Variants in CTNNBL1 observed in about 807,000 individuals in gnomAD.
CTNNBL1 encodes beta-catenin-like protein 1.
In CTNNBL1, 31 loss-of-function variants were observed where a neutral mutation model predicts 72.7. The ratio of observed to expected loss-of-function variants is 0.43; its 90% confidence interval spans 0.32 to 0.58. CTNNBL1 has a LOEUF of 0.58. CTNNBL1 is among the 20% of genes least tolerant of loss of function. The probability of loss-of-function intolerance (pLI) is 0.08; values close to 1 mark genes in which losing one functional copy is unlikely to be tolerated. For synonymous variants in CTNNBL1, 240 were observed against 267.3 expected (o/e 0.90, Z 1.00); for missense variants, 534 against 725.1 (o/e 0.74, Z 3.03).
chr20:37,843,700 G>A (rs528347082), intron 13 of CTNNBL1, among the ~76,000 whole-genome samples: 24 of 152,164 alleles, frequency 1.6e-4, no homozygotes, highest in Non-Finnish European at 2.9e-4. Context: ...CTTAACCTGA[G>A]GGAATGAGGG....
intron 15 of CTNNBL1, among the ~76,000 whole-genome samples, chr20:37,866,394 C>G (rs954587260): frequency 6.6e-6 from 1 of 152,190 alleles, no homozygotes; most frequent in Non-Finnish European, 1.5e-5. Context: ...GGTTCACAAG[C>G]AAGCTCTGTC....
intron 3 of CTNNBL1, 147 bp from the exon 4 acceptor site, chr20:37,746,321 A>G (rs2073262225): frequency 1.3e-6 from 1 of 759,592 alleles, no homozygotes; most frequent in Non-Finnish European, 2.2e-6. Context: ...AAATTGTGTG[A>G]CAGTATGATG....
chr20:37,796,686 GC>G (rs2073777561), intron 10 of CTNNBL1, among the ~76,000 whole-genome samples: 1 of 152,064 alleles, frequency 6.6e-6, no homozygotes, highest in African/African-American at 2.4e-5. Flanking sequence ...GGAATAAGAA[GC>G]CCAAAATTTC....
intron 3 of CTNNBL1, among the ~76,000 whole-genome samples, chr20:37,742,704 A>G (rs917903259): frequency 2.1e-5 from 3 of 145,610 alleles, no homozygotes; most frequent in Admixed American, 1.4e-4. Context: ...CCCTTTATCT[A>G]TCTTTGCTCA....
intron 1 of CTNNBL1, among the ~76,000 whole-genome samples, chr20:37,709,156 G>T (rs1255921683): frequency 6.6e-6 from 1 of 152,042 alleles, no homozygotes; most frequent in African/African-American, 2.4e-5. Flanking sequence ...CAAAAAAAAA[G>T]AGGGAGTTGA....
chr20:37,799,040 G>A (rs540294126), intron 10 of CTNNBL1, among the ~76,000 whole-genome samples: 1 of 152,268 alleles, frequency 6.6e-6, no homozygotes, highest in African/African-American at 2.4e-5. Flanking sequence ...TGAATTTGGA[G>A]CCTTGTTTAC....
intron 11 of CTNNBL1, among the ~76,000 whole-genome samples, chr20:37,818,447 G>A (rs764873480): frequency 1.8e-4 from 28 of 152,150 alleles, no homozygotes; most frequent in Admixed American, 2.6e-4. Flanking sequence ...AGGGAATAGC[G>A]TATACAAAGG....
chr20:37,866,615 C>T (rs1419087261), intron 15 of CTNNBL1, among the ~76,000 whole-genome samples: 1 of 152,208 alleles, frequency 6.6e-6, no homozygotes, highest in East Asian at 1.9e-4. Flanking sequence ...CAAGCTCACC[C>T]AGGAACAGAG....
intron 10 of CTNNBL1, among the ~76,000 whole-genome samples, chr20:37,794,584 C>T (rs747090832): frequency 2.0e-5 from 3 of 152,162 alleles, no homozygotes. Context: ...CCTCTTCCTC[C>T]CAGGTTCAAG....
intron 7 of CTNNBL1, among the ~76,000 whole-genome samples, chr20:37,776,224 A>T (rs2073572302): frequency 6.6e-6 from 1 of 152,212 alleles, no homozygotes; most frequent in African/African-American, 2.4e-5. Flanking sequence ...TTAACCTAAG[A>T]TGGTCATACT....
In CTNNBL1 at chr20:37,757,567, A is replaced by T. The variant is rs753478329; in HGVS notation, c.475A>T (p.Ile159Leu). The T allele has an allele frequency of 1.2e-5, 20 of 1,613,246 alleles. No homozygotes were observed. In the South Asian group the frequency reaches 2.1e-4, roughly 17 times the overall value. ...LLGHDNTDVS[I>L]AVVDLLQELT... Reference sequence around the variant, plus strand: ...CCCTTAACATTTTTCACATGTGTCCATAGCTGTGGTCGATTTGCTTCAGGA... The same window carrying T: ...CCCTTAACATTTTTCACATGTGTCCTTAGCTGTGGTCGATTTGCTTCAGGA... The change falls in exon 5 of 16, where the codon ATA becomes TTA. Residue 159 changes from isoleucine (I) to leucine (L), a missense_variant. Transcript: ENST00000361383.
At chr20:37,706,382 A>C (rs144146288) in intron 1 of CTNNBL1, among the ~76,000 whole-genome samples, 2 of 152,194 alleles carry the variant, frequency 1.3e-5, no homozygotes, top group African/African-American at 4.8e-5. Context: ...TGTGCTGCCA[A>C]TTTATCATCT....
At chr20:37,841,402 C>T (rs896353170) in intron 12 of CTNNBL1, among the ~76,000 whole-genome samples, 1 of 152,220 alleles carries the variant, frequency 6.6e-6, no homozygotes. Context: ...CTTCCCTGCA[C>T]ACCTTGTCAG....
intron 1 of CTNNBL1, among the ~76,000 whole-genome samples, chr20:37,711,622 G>A (rs2072938892): frequency 1.3e-5 from 2 of 149,906 alleles, no homozygotes; most frequent in African/African-American, 4.9e-5. Flanking sequence ...GAATATGAAG[G>A]AAAAAAATAG....
intron 1 of CTNNBL1, among the ~76,000 whole-genome samples, chr20:37,710,572 C>G (rs183732254): frequency 1.1e-4 from 16 of 152,278 alleles, no homozygotes; most frequent in African/African-American, 3.8e-4. Flanking sequence ...TTGCCCCCCC[C>G]ACTGCCATCC....
intron 10 of CTNNBL1, among the ~76,000 whole-genome samples, chr20:37,794,294 A>G (rs6067638): frequency 0.68 from 102,632 of 151,862 alleles, 34,762 homozygotes; most frequent in East Asian, 0.84. Context: ...GTATATGACT[A>G]AAAAAATATT....
chr20:37,745,685 C>T lies in CTNNBL1; in HGVS notation c.327-783C>T, dbSNP rs186206493. On this transcript the variant is annotated intron_variant, in intron 3 of 15. Transcript: ENST00000361383. ...TAACCACTGCTTCCTCTCAGTCACT[C>T]TCAGTCAGGTATTGTTCAGTTGCCT... Among the ~76,000 whole-genome samples, 38 of 152,320 alleles carry T rather than the reference C, an allele frequency of 2.5e-4. 1 individual carries two copies. Among genetic ancestry groups the T allele is most frequent in the Middle Eastern group, 3.4e-3 (1 of 294 alleles).
Position 37,708,992 on chromosome 20 carries a change from T to C in CTNNBL1, c.30+14840T>C, listed in dbSNP as rs150818352. Among the ~76,000 whole-genome samples the C allele has an allele frequency of 4.5e-3, 687 of 152,038 alleles. 9 individuals are homozygous for C. The highest frequency in any genetic ancestry group is 0.017 in the East Asian group (89 of 5,164). On this transcript the variant is annotated intron_variant, in intron 1 of 15. Coordinates refer to ENST00000361383, the MANE Select transcript of CTNNBL1 (RefSeq NM_030877.5). ...TCTCTACTGAAAATACAAAAATTAG[T>C]TGGGCATGGTAGCATGCACCTGTAG...
At chr20:37,851,065 G>A (rs1200788019) in intron 13 of CTNNBL1, among the ~76,000 whole-genome samples, 1 of 152,184 alleles carries the variant, frequency 6.6e-6, no homozygotes, top group African/African-American at 2.4e-5. Context: ...TTTAAAATGA[G>A]TAAGTGGCTG....
Sources: allele counts gnomAD v4.1 joint callset (sites outside exome capture counted in the v4.1 genomes callset), GRCh38; gene constraint gnomAD v4.1.1; transcripts MANE v1.5; gene names NCBI Gene and HGNC (gene_info 2026-07-23, HGNC 2026-07-21).